Variants in POU2AF1 observed in about 807,000 individuals in gnomAD.
POU2AF1 encodes POU class 2 homeobox associating factor 1.
In POU2AF1, 12 loss-of-function variants were observed where a neutral mutation model predicts 26.3. That is an observed-to-expected ratio of 0.46 (90% CI 0.29 to 0.74). The LOEUF is 0.74. Among genes scored for constraint, POU2AF1 ranks in the 30% least tolerant of loss-of-function variants. The pLI is 0.09. For missense variants in POU2AF1, 297 were observed against 334.5 expected, an observed-to-expected ratio of 0.89 and a Z score of 0.87; for synonymous variants, 175 against 148.0, an observed-to-expected ratio of 1.18 and a Z score of -1.32.
At chr11:111,371,578 G>C (rs923632161) in intron 1 of POU2AF1, among the ~76,000 whole-genome samples, 1 of 152,120 alleles carries the variant, frequency 6.6e-6, no homozygotes, top group African/African-American at 2.4e-5. Flanking sequence ...CCCACCACAA[G>C]TTACAAGACT....
chr11:111,378,242 G>A (rs1285297912), intron 1 of POU2AF1, among the ~76,000 whole-genome samples: 1 of 152,044 alleles, frequency 6.6e-6, no homozygotes, highest in Non-Finnish European at 1.5e-5. Flanking sequence ...GCTTGCTTGA[G>A]GCACAGCATA....
rs1352539082 is a variant in POU2AF1, at chr11:111,352,990, GA to G, written c.*1270del. ...GGAAGGAAGGAAGGAAGGAAGGAAG[GA>G]AAGAAGGAAGGAAGGAAGGAAGGAA... On this transcript the variant is annotated 3_prime_UTR_variant, in exon 5 of 5. Transcript: ENST00000393067. 12 of 58,484 alleles carry G rather than the reference GA, an allele frequency of 2.1e-4. No homozygotes were observed. The highest frequency in any genetic ancestry group is 1.3e-3 in the African/African-American group (12 of 8,900). 3.6% of individuals were successfully genotyped at this position (58,484 alleles called of 1,614,324 possible). A position where few individuals can be genotyped will look rare whatever the true frequency, so the allele number is the denominator to read the frequency against.
chr11:111,358,894 G>C lies in POU2AF1; in HGVS notation c.41C>G (p.Ala14Gly), dbSNP rs754706847. ...QKPTAPEQAP[A>G]PARPYQGVRV... is the part of the protein sequence containing the mutation. The stretch of plus-strand genomic sequence containing the variant: ...GACGCCCTGGTATGGCCGGGCCGGG[G>C]CTGGGGCTTGCTCCGGAGCTGTGGC... The change falls in exon 2 of 5, where the codon GCC becomes GGC. Residue 14 changes from alanine (A) to glycine (G), a missense_variant. Coordinates refer to ENST00000393067, the MANE Select transcript of POU2AF1 (RefSeq NM_006235.3). The C allele has an allele frequency of 6.2e-7, 1 of 1,606,628 alleles. No individual in the cohort carries two copies. Among genetic ancestry groups the C allele is most frequent in the South Asian group, 1.1e-5 (1 of 90,958 alleles).
At chr11:111,359,903 C>T (rs1351854933) in intron 1 of POU2AF1, 1 of 518,526 alleles carries the variant, frequency 1.9e-6, no homozygotes. Context: ...CTCTCCTACA[C>T]CTTTAGGATT....
At chr11:111,373,125 C>G (rs1001825663) in intron 1 of POU2AF1, among the ~76,000 whole-genome samples, 2 of 152,222 alleles carry the variant, frequency 1.3e-5, no homozygotes. Context: ...TTACTTAAAT[C>G]TACGTTATTT....
intron 1 of POU2AF1, chr11:111,363,888 A>G: frequency 3.0e-6 from 3 of 985,414 alleles, no homozygotes; most frequent in Non-Finnish European, 3.6e-6. Context: ...CCAAGAGTCC[A>G]TCACGGAGGA....
chr11:111,359,592 CA>C (rs2135117283), intron 1 of POU2AF1, among the ~76,000 whole-genome samples: 1 of 152,272 alleles, frequency 6.6e-6, no homozygotes, highest in East Asian at 1.9e-4. Context: ...GTTTCTTTAT[CA>C]AAGGAATATT....
intron 1 of POU2AF1, among the ~76,000 whole-genome samples, chr11:111,369,547 G>A (rs1861168832): frequency 6.6e-6 from 1 of 152,188 alleles, no homozygotes. Flanking sequence ...TAGAAATGTG[G>A]CAATGGGCAA....
chr11:111,376,569 G>A (rs1861313803), intron 1 of POU2AF1, among the ~76,000 whole-genome samples: 1 of 152,148 alleles, frequency 6.6e-6, no homozygotes. Context: ...CAAAAGCCAG[G>A]GTTCACATTT....
At chr11:111,363,970 C>T (rs1320959852) in intron 1 of POU2AF1, 3 of 985,292 alleles carry the variant, frequency 3.0e-6, no homozygotes, top group Middle Eastern at 5.2e-4. Context: ...AGAAGTTCAC[C>T]ATATTGCCTT....
chr11:111,358,400 A>ACT lies in POU2AF1; in HGVS notation c.147+387_147+388insAG, dbSNP rs1565360718. Among the ~76,000 whole-genome samples the ACT allele has an allele frequency of 3.2e-4, 29 of 89,414 alleles. 1 individual carries two copies. Among genetic ancestry groups the ACT allele is most frequent in the Middle Eastern group, 6.7e-3 (1 of 150 alleles). The allele number at this position is 89,414 out of a possible 152,430, so 58.7% of individuals were successfully genotyped here. A position where few individuals can be genotyped will look rare whatever the true frequency, so the allele number is the denominator to read the frequency against. On this transcript the variant is annotated intron_variant, in intron 2 of 4. Transcript: ENST00000393067. ...CTCTCTCACACACACTCCCTCACAC[A>ACT]CATACTCTCTCACACACACGCTCAC... is the stretch of plus-strand genomic sequence containing the variant.
chr11:111,357,358 A>G, intron 4 of POU2AF1, 87 bp downstream of exon 4: 1 of 1,553,876 alleles, frequency 6.4e-7, no homozygotes, highest in Non-Finnish European at 8.8e-7. Context: ...ATCAATAGCA[A>G]GGAAGATCAG....
intron 1 of POU2AF1, among the ~76,000 whole-genome samples, chr11:111,378,609 A>G (rs2135145358): frequency 6.6e-6 from 1 of 152,330 alleles, no homozygotes; most frequent in East Asian, 1.9e-4. Flanking sequence ...GACGAAAGGC[A>G]AGACAGTGGA....
intron 2 of POU2AF1, 34 bp downstream of exon 2, chr11:111,358,754 A>ACACACT: frequency 6.5e-7 from 1 of 1,547,278 alleles, no homozygotes; most frequent in Non-Finnish European, 8.7e-7. Flanking sequence ...TTTCACACAC[A>ACACACT]CACACTCACA....
intron 1 of POU2AF1, among the ~76,000 whole-genome samples, chr11:111,366,029 T>C (rs1345430274): frequency 6.6e-6 from 1 of 152,254 alleles, no homozygotes; most frequent in African/African-American, 2.4e-5. Flanking sequence ...GAGTCAAAGT[T>C]TTCAAATTTG....
At chr11:111,357,281 G>T (rs931051950) in intron 4 of POU2AF1, among the ~76,000 whole-genome samples, 164 bp downstream of exon 4, 1 of 152,168 alleles carries the variant, frequency 6.6e-6, no homozygotes, top group Non-Finnish European at 1.5e-5. Context: ...GTTATCTCAG[G>T]AAATGAGAAT....
intron 1 of POU2AF1, chr11:111,359,995 G>C (rs377672376): frequency 6.4e-5 from 33 of 519,052 alleles, no homozygotes; most frequent in African/African-American, 6.1e-4. Flanking sequence ...CCTGGGGCCA[G>C]ACAGTGTCCA....
intron 1 of POU2AF1, among the ~76,000 whole-genome samples, chr11:111,370,467 AAG>A (rs1861187099): frequency 6.6e-6 from 1 of 152,158 alleles, no homozygotes; most frequent in Non-Finnish European, 1.5e-5. Flanking sequence ...TCTTGCTAAA[AAG>A]AGGGGTAGAT....
chr11:111,358,360 T>TCACA (rs1360388930), intron 2 of POU2AF1, among the ~76,000 whole-genome samples: 14 of 83,528 alleles, frequency 1.7e-4, no homozygotes, highest in African/African-American at 4.7e-4. Context: ...ACTCACACTC[T>TCACA]CACACACTCA....
Sources: gnomAD v4.1 joint callset for allele counts (sites outside exome capture counted in the v4.1 genomes callset) on GRCh38, gnomAD v4.1.1 for gene constraint, MANE v1.5 for transcripts, NCBI Gene and HGNC (gene_info 2026-07-23, HGNC 2026-07-21) for gene names.